Variants in SAMD5 observed in about 807,000 individuals in gnomAD.
SAMD5 encodes sterile alpha motif domain-containing protein 5.
A neutral mutation model predicts 11.3 loss-of-function variants in SAMD5; 13 were observed. The observed-to-expected ratio is 1.15, with a 90% CI of 0.75 to 1.83. The LOEUF (loss-of-function observed/expected upper bound fraction) is 1.83. SAMD5 is among the 40% of genes most tolerant of loss of function. The pLI is 0.00. For missense variants in SAMD5, 255 were observed against 239.1 expected, an observed-to-expected ratio of 1.07 and a Z score of -0.44; for synonymous variants, 129 against 111.3, an observed-to-expected ratio of 1.16 and a Z score of -1.00.
At chr6:147,790,782 C>CTCTCTT in the SAMD5 span, among the ~76,000 whole-genome samples, 1 of 90,424 alleles carries the variant, frequency 1.1e-5, no homozygotes, top group Non-Finnish European at 2.4e-5. Context: ...CTCTCTCTCT[C>CTCTCTT]TCTCTCTCTC....
chr6:147,544,438 C>T (rs1788653441), intron 1 of SAMD5, among the ~76,000 whole-genome samples: 1 of 152,152 alleles, frequency 6.6e-6, no homozygotes, highest in African/African-American at 2.4e-5. Context: ...AGCACTTAAA[C>T]TTATATAGAA....
chr6:147,561,636 G>C (rs1044256779), intron 1 of SAMD5, among the ~76,000 whole-genome samples: 1 of 152,138 alleles, frequency 6.6e-6, no homozygotes, highest in African/African-American at 2.4e-5. Context: ...TTTCTTCATA[G>C]GGGTGTGCCT....
chr6:147,759,114 G>A, the SAMD5 span, among the ~76,000 whole-genome samples: 31 of 152,258 alleles, frequency 2.0e-4, no homozygotes, highest in Middle Eastern at 3.4e-3. Flanking sequence ...CGTATGTTGT[G>A]TTCTGTTTAC....
At chr6:147,636,328 G>C (rs913761835) in intron 1 of SAMD5, among the ~76,000 whole-genome samples, 6 of 152,022 alleles carry the variant, frequency 3.9e-5, no homozygotes, top group African/African-American at 1.4e-4. Context: ...ACCAAGAAAT[G>C]CCATTTTTGT....
the SAMD5 span, among the ~76,000 whole-genome samples, chr6:147,922,665 C>A: frequency 3.3e-5 from 5 of 152,098 alleles, no homozygotes; most frequent in Admixed American, 1.3e-4. Context: ...TCCAGACATT[C>A]GATGATGTGT....
the SAMD5 span, among the ~76,000 whole-genome samples, chr6:147,805,042 A>G: frequency 1.3e-5 from 2 of 152,220 alleles, no homozygotes; most frequent in African/African-American, 2.4e-5. Context: ...AGGAACTGAA[A>G]CATAGACCTT....
At chr6:147,734,766 C>T (rs185598770) in intron 1 of SAMD5, among the ~76,000 whole-genome samples, 118 of 103,872 alleles carry the variant, frequency 1.1e-3, no homozygotes, top group African/African-American at 3.5e-3. Context: ...AATCAAATAT[C>T]TGGATAATTA....
intron 1 of SAMD5, among the ~76,000 whole-genome samples, chr6:147,675,671 T>A (rs1174370408): frequency 1.3e-5 from 2 of 152,242 alleles, no homozygotes; most frequent in Non-Finnish European, 2.9e-5. Flanking sequence ...TTAAATTTGC[T>A]GTATTTGATA....
chr6:147,769,558 G>T, the SAMD5 span, among the ~76,000 whole-genome samples: 1 of 152,178 alleles, frequency 6.6e-6, no homozygotes, highest in African/African-American at 2.4e-5. Flanking sequence ...AAGATTAATA[G>T]ATTATAATCA....
the SAMD5 span, among the ~76,000 whole-genome samples, chr6:147,779,964 CTCT>C: frequency 6.6e-6 from 1 of 152,164 alleles, no homozygotes; most frequent in Admixed American, 6.5e-5. Context: ...GTTGTTACAT[CTCT>C]TCTTATAATG....
At chr6:147,639,381 A>G (rs757625418) in intron 1 of SAMD5, among the ~76,000 whole-genome samples, 12 of 152,244 alleles carry the variant, frequency 7.9e-5, no homozygotes, top group Non-Finnish European at 1.2e-4. Context: ...TAGCCCACAC[A>G]TATATTTATG....
At chr6:147,801,084 C>T in the SAMD5 span, among the ~76,000 whole-genome samples, 2 of 152,094 alleles carry the variant, frequency 1.3e-5, no homozygotes, top group Non-Finnish European at 2.9e-5. Context: ...GAAGTTTGCT[C>T]TCCACATACG....
At chr6:147,781,388 A>C in the SAMD5 span, among the ~76,000 whole-genome samples, 1 of 152,106 alleles carries the variant, frequency 6.6e-6, no homozygotes, top group Non-Finnish European at 1.5e-5. Flanking sequence ...TGTGCCTTAC[A>C]TTTAATGTTG....
chr6:147,616,035 G>A (rs899563401), intron 1 of SAMD5, among the ~76,000 whole-genome samples: 3 of 145,230 alleles, frequency 2.1e-5, no homozygotes, highest in African/African-American at 7.4e-5. Context: ...TTGGACCTTT[G>A]CCTTAACCTT....
chr6:147,704,435 A>G (rs2128458073), intron 1 of SAMD5, among the ~76,000 whole-genome samples: 1 of 152,326 alleles, frequency 6.6e-6, no homozygotes, highest in African/African-American at 2.4e-5. Flanking sequence ...ACATTTAAAT[A>G]CACATGTCAA....
chr6:147,845,621 C>T, the SAMD5 span, among the ~76,000 whole-genome samples: 1 of 151,878 alleles, frequency 6.6e-6, no homozygotes, highest in African/African-American at 2.4e-5. Context: ...CAAATAAGTA[C>T]CTGAAAAGAT....
Position 147,567,791 on chromosome 6 carries a change from C to T in SAMD5, c.*3335C>T, listed in dbSNP as rs702351. The T allele has an allele frequency of 0.37, 364,873 of 984,794 alleles. 68,550 individuals carry two copies. Among genetic ancestry groups the T allele is most frequent in the African/African-American group, 0.53 (30,169 of 57,256 alleles). 61.0% of individuals were successfully genotyped at this position (984,794 alleles called of 1,614,324 possible). A position where few individuals can be genotyped will look rare whatever the true frequency, so the allele number is the denominator to read the frequency against. ...TGAATAAGTCCCCTTTGATTTCTCT[C>T]AGGAAGGATAAAAAAGGCTACAGTA... On this transcript the variant is annotated 3_prime_UTR_variant, in exon 2 of 2. Transcript: ENST00000367474.
the SAMD5 span, among the ~76,000 whole-genome samples, chr6:147,793,734 C>T: frequency 1.5e-4 from 23 of 152,050 alleles, no homozygotes; most frequent in Non-Finnish European, 3.1e-4. Flanking sequence ...AAAAAGTTGA[C>T]TATATTTCTG....
At chr6:147,645,683 G>A (rs1339518846) in intron 1 of SAMD5, among the ~76,000 whole-genome samples, 3 of 152,134 alleles carry the variant, frequency 2.0e-5, no homozygotes, top group Admixed American at 6.5e-5. Flanking sequence ...GTAGGCCAAG[G>A]AGAAAACCTA....
Sources: gnomAD v4.1 joint callset for allele counts (sites outside exome capture counted in the v4.1 genomes callset) on GRCh38, gnomAD v4.1.1 for gene constraint, MANE v1.5 for transcripts, NCBI Gene and HGNC (gene_info 2026-07-23, HGNC 2026-07-21) for gene names.